SP2: variants seen among roughly 807,000 people sequenced by gnomAD.
SP2 encodes the protein transcription factor Sp2.
A neutral mutation model predicts 50.1 loss-of-function variants in SP2; 9 were observed. That is an observed-to-expected ratio of 0.18 (90% confidence interval 0.11 to 0.31). The LOEUF is 0.31. Among genes scored for constraint, SP2 ranks in the 10% least tolerant of loss-of-function variants. The pLI, the probability that SP2 is intolerant of heterozygous loss-of-function variation, is 1.00. For missense variants in SP2, 581 were observed against 806.5 expected, an observed-to-expected ratio of 0.72 and a Z score of 3.39; for synonymous variants, 313 against 326.6, an observed-to-expected ratio of 0.96 and a Z score of 0.45.
intron 3 of SP2, among the ~76,000 whole-genome samples, chr17:47,922,093 A>G (rs1040383631): frequency 1.3e-5 from 2 of 151,962 alleles, no homozygotes; most frequent in Non-Finnish European, 2.9e-5. Flanking sequence ...CTCCCTTTCC[A>G]TAACTCCCTT....
intron 1 of SP2, among the ~76,000 whole-genome samples, chr17:47,901,459 T>C (rs1453331377): frequency 6.6e-6 from 1 of 151,418 alleles, no homozygotes; most frequent in Non-Finnish European, 1.5e-5. Context: ...TTTTTTTGTT[T>C]TTTGTTTTGG....
At chr17:47,900,579 C>A (rs1217293873) in intron 1 of SP2, among the ~76,000 whole-genome samples, 3 of 152,144 alleles carry the variant, frequency 2.0e-5, no homozygotes, top group African/African-American at 7.2e-5. Context: ...GAGTTCGAGA[C>A]CAGCCTGGCT....
chr17:47,925,243 C>A, intron 5 of SP2, 105 bp from the exon 6 acceptor site: 1 of 1,416,750 alleles, frequency 7.1e-7, no homozygotes, highest in Non-Finnish European at 9.7e-7. Context: ...CTTGTGCTCT[C>A]TGACCTGACC....
At chr17:47,931,349 A>G (rs1481906884), downstream of SP2, among the ~76,000 whole-genome samples, 1 of 152,188 alleles carries the variant, frequency 6.6e-6, no homozygotes, top group Non-Finnish European at 1.5e-5. Flanking sequence ...TCTGTCTCAA[A>G]AAAAAGAAAA....
chr17:47,911,093 G>T (rs2034964552), intron 1 of SP2, among the ~76,000 whole-genome samples: 1 of 152,124 alleles, frequency 6.6e-6, no homozygotes, highest in East Asian at 1.9e-4. Context: ...GGGTGTGGTG[G>T]TGTGCACCAG....
intron 3 of SP2, among the ~76,000 whole-genome samples, chr17:47,920,595 A>AT (rs574431001): frequency 1.3e-5 from 2 of 148,226 alleles, no homozygotes; most frequent in African/African-American, 5.0e-5. Flanking sequence ...CAATTTTTGT[A>AT]TTTTTTTAGT....
At position 47,922,266 on chromosome 17, in the gene SP2, C is replaced by T. The variant is rs989763940; in HGVS notation, c.1060-696C>T. Among the ~76,000 whole-genome samples, 6 of 152,138 alleles carry T rather than the reference C, an allele frequency of 3.9e-5. No individual in the cohort carries two copies. The South Asian group carries it at 6.2e-4, about 16-fold the overall frequency. On this transcript the variant is annotated intron_variant, in intron 3 of 6. Coordinates refer to ENST00000376741, the MANE Select transcript of SP2 (RefSeq NM_003110.6). ...TACCCACCACGGACACCCTCCTCCC[C>T]GCTACAAATGCCCTCCTTGTCCTGC...
intron 1 of SP2, among the ~76,000 whole-genome samples, chr17:47,912,636 G>T (rs2035038245): frequency 6.6e-6 from 1 of 151,962 alleles, no homozygotes; most frequent in African/African-American, 2.4e-5. Context: ...GTACAGATGG[G>T]GTCTCCCTAT....
At chr17:47,909,831 T>C (rs1171566141) in intron 1 of SP2, 1 of 286,612 alleles carries the variant, frequency 3.5e-6, no homozygotes, top group Admixed American at 6.5e-5. Flanking sequence ...CTTCTCACTT[T>C]TGTGACATCT....
chr17:47,913,887 T>C (rs138651552), intron 1 of SP2, among the ~76,000 whole-genome samples: 2 of 152,352 alleles, frequency 1.3e-5, no homozygotes, highest in East Asian at 3.9e-4. Flanking sequence ...TAGGAGATAA[T>C]GGCTTAAGAC....
chr17:47,929,174 A>T (rs1182894041), downstream of SP2, among the ~76,000 whole-genome samples: 3 of 152,202 alleles, frequency 2.0e-5, no homozygotes, highest in Non-Finnish European at 2.9e-5. Context: ...TCCAAGGGCC[A>T]GGGCCCAATG....
At chr17:47,923,333 A>G in intron 4 of SP2, 59 bp downstream of exon 4, 2 of 1,425,284 alleles carry the variant, frequency 1.4e-6, no homozygotes, top group Admixed American at 3.9e-5. Flanking sequence ...AGCAGGTGGA[A>G]ACTATGGGCT....
At chr17:47,907,144 C>G (rs1360804700) in intron 1 of SP2, among the ~76,000 whole-genome samples, 1 of 151,964 alleles carries the variant, frequency 6.6e-6, no homozygotes, top group Admixed American at 6.6e-5. Context: ...GGTGGATGTC[C>G]TAATGCTGCC....
chr17:47,913,115 C>T (rs2035057032), intron 1 of SP2, among the ~76,000 whole-genome samples: 1 of 152,114 alleles, frequency 6.6e-6, no homozygotes, highest in Non-Finnish European at 1.5e-5. Flanking sequence ...CCTGCCTCAG[C>T]CTCCCAAAGT....
chr17:47,911,246 T>C (rs2034971526), intron 1 of SP2, among the ~76,000 whole-genome samples: 1 of 151,750 alleles, frequency 6.6e-6, no homozygotes, highest in South Asian at 2.1e-4. Flanking sequence ...AACAAACAAA[T>C]AAATCTTTGT....
rs1022662886 is a variant in SP2 at position 47,917,859 on chromosome 17, C to T, written c.1059+729C>T. Reference sequence around the variant, plus strand: ...TGGCATTTATTAATGTGCTCTAATACTCTGGAATCTCTTTGGCTCTGTGAG... The same window carrying T: ...TGGCATTTATTAATGTGCTCTAATATTCTGGAATCTCTTTGGCTCTGTGAG... On this transcript the variant is annotated intron_variant, in intron 3 of 6. Transcript: ENST00000376741. 8.9e-5 allele frequency: 33 copies of T among 369,100 alleles called. 1 individual carries two copies. Among genetic ancestry groups the T allele is most frequent in the Admixed American group, 7.1e-4 (23 of 32,224 alleles). 22.9% of individuals were successfully genotyped at this position (369,100 alleles called of 1,614,324 possible).
intron 3 of SP2, chr17:47,918,333 C>T (rs1426328908): frequency 3.9e-5 from 6 of 152,196 alleles, no homozygotes. Context: ...AGTCATTTAT[C>T]ACAATATCTG....
intron 1 of SP2, among the ~76,000 whole-genome samples, chr17:47,906,512 C>T (rs988516437): frequency 2.0e-5 from 3 of 152,152 alleles, no homozygotes; most frequent in Non-Finnish European, 4.4e-5. Context: ...AGCCTCATCT[C>T]AGGGGTCCAG....
intron 1 of SP2, among the ~76,000 whole-genome samples, chr17:47,912,070 A>G (rs2035012064): frequency 6.6e-6 from 1 of 152,226 alleles, no homozygotes; most frequent in Admixed American, 6.5e-5. Context: ...TACCTGGTGT[A>G]TACCATGCTC....
Sources: allele counts gnomAD v4.1 joint callset (sites outside exome capture counted in the v4.1 genomes callset), GRCh38; gene constraint gnomAD v4.1.1; transcripts MANE v1.5; gene names NCBI Gene and HGNC (gene_info 2026-07-23, HGNC 2026-07-21).